Variants in IQGAP2 observed in about 807,000 individuals in gnomAD.
The protein encoded by IQGAP2 is IQ motif containing GTPase activating protein 2.
Under a neutral mutation model 201.3 loss-of-function variants are expected in IQGAP2, and 173 were observed. The ratio of observed to expected loss-of-function variants is 0.86; its 90% CI spans 0.76 to 0.98. The LOEUF (loss-of-function observed/expected upper bound fraction) is 0.98, where lower values mean the gene tolerates loss of function less well. Ranked by LOEUF, IQGAP2 falls within the 50% of genes least tolerant of loss-of-function variation. The pLI is 0.00. For synonymous variants in IQGAP2, 675 were observed against 673.9 expected (o/e 1.00, Z -0.03); for missense variants, 1,687 against 1,864.8 (o/e 0.90, Z 1.76).
intron 2 of IQGAP2, among the ~76,000 whole-genome samples, chr5:76,520,732 C>T (rs1244966862): frequency 8.9e-6 from 1 of 111,992 alleles, no homozygotes; most frequent in African/African-American, 3.6e-5. Flanking sequence ...GAAACGGAGT[C>T]TCACTCTGTC....
In IQGAP2 at chr5:76,572,783, G is replaced by C. The variant is rs1745206058; in HGVS notation, c.381+2126G>C. ...ATTATTTAGGAGTGGTCTCGCTGGA[G>C]GTCAAGAGGATAAGCTACTGGCTTA... On this transcript the variant is annotated intron_variant, in intron 4 of 35. Coordinates refer to ENST00000274364, the MANE Select transcript of IQGAP2 (RefSeq NM_006633.5). Among the ~76,000 whole-genome samples the C allele has an allele frequency of 2.0e-5, 3 of 152,254 alleles. No individual in the cohort carries two copies. The South Asian group carries it at 6.2e-4, about 32-fold the overall frequency.
At chr5:76,678,440 T>G (rs1002615383) in intron 28 of IQGAP2, among the ~76,000 whole-genome samples, 1 of 152,040 alleles carries the variant, frequency 6.6e-6, no homozygotes, top group Non-Finnish European at 1.5e-5. Context: ...AAAAAAAAGC[T>G]AAGCATTGAG....
chr5:76,545,699 TG>T (rs1160092017), intron 2 of IQGAP2, among the ~76,000 whole-genome samples: 1 of 152,208 alleles, frequency 6.6e-6, no homozygotes, highest in Non-Finnish European at 1.5e-5. Flanking sequence ...TATCTGTCTT[TG>T]TAGGGCCAAA....
At chr5:76,644,052 C>T (rs1751805244) in intron 17 of IQGAP2, among the ~76,000 whole-genome samples, 1 of 151,738 alleles carries the variant, frequency 6.6e-6, no homozygotes, top group Admixed American at 6.6e-5. Context: ...ACTGAGTGTC[C>T]AGTTATCAAG....
intron 2 of IQGAP2, among the ~76,000 whole-genome samples, chr5:76,473,847 A>G (rs1187664492): frequency 6.6e-6 from 1 of 152,236 alleles, no homozygotes; most frequent in Admixed American, 6.5e-5. Flanking sequence ...AGTAGCAAAC[A>G]GCACTGAGAT....
At chr5:76,610,186 G>T (rs1376817053) in intron 12 of IQGAP2, among the ~76,000 whole-genome samples, 1 of 125,758 alleles carries the variant, frequency 8.0e-6, no homozygotes, top group African/African-American at 3.1e-5. Flanking sequence ...AGGCTAGAGT[G>T]CAGTGGTGCA....
intron 13 of IQGAP2, among the ~76,000 whole-genome samples, chr5:76,613,750 C>T (rs967893570): frequency 1.3e-5 from 2 of 151,618 alleles, no homozygotes; most frequent in Non-Finnish European, 2.9e-5. Flanking sequence ...GCTGGAGTGC[C>T]GTGGCGCCAT....
chr5:76,480,707 G>T (rs1197061472), intron 2 of IQGAP2, among the ~76,000 whole-genome samples: 1 of 152,196 alleles, frequency 6.6e-6, no homozygotes, highest in Non-Finnish European at 1.5e-5. Flanking sequence ...AGGGGATTTT[G>T]CAGGGGGAAA....
Position 76,403,688 on chromosome 5 carries a change from A to G in IQGAP2, c.46+97A>G. 9.0e-7 allele frequency: 1 copy of G among 1,106,118 alleles called. No homozygotes were observed. Among genetic ancestry groups the G allele is most frequent in the Non-Finnish European group, 1.2e-6 (1 of 823,146 alleles). 68.5% of individuals were successfully genotyped at this position (1,106,118 alleles called of 1,614,324 possible). A position where few individuals can be genotyped will look rare whatever the true frequency, so the allele number is the denominator to read the frequency against. ...GCCGAGGGAGCCGGTTGCGCGGCGC[A>G]GAGGAAATTGGAAGGCAGCAACTGC... is the stretch of plus-strand genomic sequence containing the variant. On this transcript the variant is annotated intron_variant, in intron 1 of 35. Coordinates refer to ENST00000274364, the MANE Select transcript of IQGAP2 (RefSeq NM_006633.5). The surrounding 1 kb of genome is among the most constrained non-coding windows in gnomAD (Gnocchi z 4.8).
intron 3 of IQGAP2, among the ~76,000 whole-genome samples, chr5:76,569,278 C>T (rs942714372): frequency 1.3e-5 from 2 of 152,148 alleles, no homozygotes; most frequent in African/African-American, 2.4e-5. Context: ...CAAATCACAT[C>T]ATCTTTTTGG....
At chr5:76,651,058 C>T (rs1306430746) in intron 17 of IQGAP2, among the ~76,000 whole-genome samples, 1 of 152,096 alleles carries the variant, frequency 6.6e-6, no homozygotes, top group East Asian at 1.9e-4. Flanking sequence ...TTGTAGTTTC[C>T]TCGAGCTCAC....
At chr5:76,509,752 A>G (rs1221990246) in intron 2 of IQGAP2, among the ~76,000 whole-genome samples, 1 of 152,084 alleles carries the variant, frequency 6.6e-6, no homozygotes, top group Non-Finnish European at 1.5e-5. Flanking sequence ...GAGGGCAGAG[A>G]TGGGTCATAG....
chr5:76,505,059 C>T (rs532596909), intron 2 of IQGAP2, among the ~76,000 whole-genome samples: 1 of 152,336 alleles, frequency 6.6e-6, no homozygotes, highest in East Asian at 1.9e-4. Context: ...TCCCTTGATG[C>T]TCAAATGAGG....
intron 9 of IQGAP2, among the ~76,000 whole-genome samples, chr5:76,595,158 T>C (rs983264655): frequency 4.6e-5 from 7 of 151,968 alleles, no homozygotes; most frequent in Non-Finnish European, 8.8e-5. Context: ...TTATAACCCT[T>C]TACCTTTCAG....
intron 27 of IQGAP2, chr5:76,677,014 T>A: frequency 9.7e-6 from 5 of 517,194 alleles, no homozygotes; most frequent in Non-Finnish European, 1.7e-5. Flanking sequence ...TCCAATCCTG[T>A]TTGAGGAGCT....
At chr5:76,513,416 G>A (rs959760864) in intron 2 of IQGAP2, among the ~76,000 whole-genome samples, 4 of 152,160 alleles carry the variant, frequency 2.6e-5, no homozygotes, top group Non-Finnish European at 5.9e-5. Flanking sequence ...CTTGAACAGT[G>A]GTAAAATCTG....
intron 2 of IQGAP2, among the ~76,000 whole-genome samples, chr5:76,487,324 C>A (rs1756223695): frequency 6.6e-6 from 1 of 152,102 alleles, no homozygotes. Flanking sequence ...GTCTCAAACT[C>A]CTGACCTTGT....
intron 20 of IQGAP2, among the ~76,000 whole-genome samples, chr5:76,657,767 AC>A (rs1742882874): frequency 6.6e-6 from 1 of 152,058 alleles, no homozygotes; most frequent in Non-Finnish European, 1.5e-5. Flanking sequence ...TAAGGGGAAA[AC>A]CCTTTTAGAA....
At chr5:76,413,417 T>A (rs1020024218) in intron 1 of IQGAP2, among the ~76,000 whole-genome samples, 2 of 152,156 alleles carry the variant, frequency 1.3e-5, no homozygotes, top group South Asian at 2.1e-4. Flanking sequence ...GATCCATCCG[T>A]CTCGGCCTCT....
Sources: allele counts gnomAD v4.1 joint callset (sites outside exome capture counted in the v4.1 genomes callset), GRCh38; gene constraint gnomAD v4.1.1; non-coding constraint Gnocchi (gnomAD v3.1); transcripts MANE v1.5; gene names NCBI Gene and HGNC (gene_info 2026-07-23, HGNC 2026-07-21).